The following CCDC7 variants were observed in gnomAD, a reference collection of about 807,000 sequenced individuals.
The protein encoded by CCDC7 is coiled-coil domain containing 7, also known as coiled-coil domain-containing protein 7.
In CCDC7, 183 loss-of-function variants were observed where a neutral mutation model predicts 196.9. The observed-to-expected ratio is 0.93, with a 90% confidence interval of 0.82 to 1.05. CCDC7 has a LOEUF of 1.05. Ranked by LOEUF, CCDC7 falls within the 50% of genes least tolerant of loss-of-function variation. CCDC7 has a pLI of 0.00. For synonymous variants in CCDC7, 525 were observed against 484.6 expected (o/e 1.08, Z -1.10); for missense variants, 1,540 against 1,482.2 (o/e 1.04, Z -0.64).
rs577412787 is a variant in CCDC7, at chr10:32,882,658, A to T, written c.*2358-35A>T. ...GTGTATATTAGAAGTTGAATTAAAT[A>T]AAAAAATTATAATTACTTGTTGATT... On this transcript the variant is annotated intron_variant and NMD_transcript_variant, in intron 22 of 22. Transcript: ENST00000375025. 21 of 152,270 alleles carry T rather than the reference A, an allele frequency of 1.4e-4. No individual in the cohort carries two copies. In the East Asian group the frequency reaches 3.1e-3, roughly 22 times the overall value. The allele number at this position is 152,270 out of a possible 1,614,324, so 9.4% of individuals were successfully genotyped here.
intron 28 of CCDC7, among the ~76,000 whole-genome samples, chr10:32,768,375 T>G (rs185898095): frequency 1.7e-4 from 26 of 152,296 alleles, no homozygotes; most frequent in African/African-American, 6.3e-4. Context: ...ATTGATTTTG[T>G]ATCCTGAAAC....
chr10:32,526,960 A>G (rs977658199), intron 11 of CCDC7, among the ~76,000 whole-genome samples: 2 of 152,076 alleles, frequency 1.3e-5, no homozygotes, highest in African/African-American at 4.8e-5. Flanking sequence ...TTTAAGCCCA[A>G]CCCTAGCCCT....
intron 13 of CCDC7, among the ~76,000 whole-genome samples, chr10:32,555,309 G>A (rs567168064): frequency 9.3e-5 from 14 of 150,894 alleles, no homozygotes; most frequent in South Asian, 6.3e-4. Flanking sequence ...GCAATGGTGC[G>A]ATCTCAGCTC....
intron 9 of CCDC7, among the ~76,000 whole-genome samples, chr10:32,500,432 T>A (rs2043780478): frequency 7.0e-6 from 1 of 143,860 alleles, no homozygotes; most frequent in South Asian, 2.3e-4. Flanking sequence ...GCAGAGGCGC[T>A]CTTCACATCT....
intron 21 of CCDC7, among the ~76,000 whole-genome samples, chr10:32,673,463 G>A (rs765180289): frequency 2.4e-4 from 36 of 151,992 alleles, no homozygotes; most frequent in Non-Finnish European, 4.0e-4. Context: ...CGTTTTCAGT[G>A]TACAAGCCTT....
chr10:32,651,111 C>T (rs2068683817), intron 20 of CCDC7, among the ~76,000 whole-genome samples: 1 of 152,190 alleles, frequency 6.6e-6, no homozygotes, highest in Non-Finnish European at 1.5e-5. Flanking sequence ...GCACCTGCTG[C>T]AGCTCTGTCT....
chr10:32,762,096 T>C (rs941151526), intron 28 of CCDC7, among the ~76,000 whole-genome samples: 2 of 151,396 alleles, frequency 1.3e-5, no homozygotes, highest in Admixed American at 6.6e-5. Context: ...TGTCATACAA[T>C]TGGGAAATAA....
At chr10:32,756,469 T>A (rs972210178) in intron 28 of CCDC7, among the ~76,000 whole-genome samples, 2 of 151,768 alleles carry the variant, frequency 1.3e-5, no homozygotes, top group Non-Finnish European at 3.0e-5. Context: ...TCTTAAAGAA[T>A]TTTCAACCCA....
chr10:32,736,307 TTTAGATC>T (rs140076424), intron 28 of CCDC7, among the ~76,000 whole-genome samples: 8,058 of 152,274 alleles, frequency 0.053, 709 homozygotes, highest in African/African-American at 0.18. Context: ...TATTGCTCCA[TTTAGATC>T]TTAGATCTGT....
At chr10:32,611,867 C>A (rs2062184660) in intron 18 of CCDC7, among the ~76,000 whole-genome samples, 1 of 152,056 alleles carries the variant, frequency 6.6e-6, no homozygotes, top group Non-Finnish European at 1.5e-5. Flanking sequence ...GCCTCTAGCT[C>A]TGATCTTTTT....
chr10:32,718,794 T>A (rs1406694240), intron 25 of CCDC7, among the ~76,000 whole-genome samples: 4 of 151,816 alleles, frequency 2.6e-5, no homozygotes, highest in Non-Finnish European at 5.9e-5. Flanking sequence ...GAAAATAAAA[T>A]ACCTAGGAAT....
chr10:32,814,178 G>T lies in CCDC7; in HGVS notation c.3098-192G>T, dbSNP rs541791526. ...TCACCATGTTGGCCAGGATGGTCTC[G>T]ATCTCTTGACCTCATGATCCACCTG... On this transcript the variant is annotated intron_variant, in intron 30 of 41. Coordinates refer to ENST00000639629, the Ensembl canonical transcript of CCDC7. Among the ~76,000 whole-genome samples, 142 of 152,104 alleles carry T rather than the reference G, an allele frequency of 9.3e-4. 1 individual carries two copies. Among genetic ancestry groups the T allele is most frequent in the African/African-American group, 2.7e-3 (111 of 41,504 alleles).
chr10:32,558,907 T>C (rs2054835734), intron 13 of CCDC7, among the ~76,000 whole-genome samples: 1 of 152,172 alleles, frequency 6.6e-6, no homozygotes, highest in Non-Finnish European at 1.5e-5. Context: ...GGAGTTCCCT[T>C]TCCTAGTCAA....
chr10:32,487,514 T>C (rs1424202617), intron 8 of CCDC7, among the ~76,000 whole-genome samples: 1 of 152,240 alleles, frequency 6.6e-6, no homozygotes, highest in Non-Finnish European at 1.5e-5. Flanking sequence ...CCAGCTTTGT[T>C]CCATTGCTGG....
intron 9 of CCDC7, among the ~76,000 whole-genome samples, chr10:32,507,815 G>A (rs183424791): frequency 3.4e-4 from 51 of 152,204 alleles, no homozygotes; most frequent in African/African-American, 1.2e-3. Flanking sequence ...ACAGCATTTC[G>A]CAGCATTCAA....
At chr10:32,500,638 A>G (rs1368454151) in intron 9 of CCDC7, among the ~76,000 whole-genome samples, 3 of 151,994 alleles carry the variant, frequency 2.0e-5, no homozygotes, top group African/African-American at 7.2e-5. Context: ...CACTTCCAAG[A>G]TGGGGTGGCG....
intron 22 of CCDC7, 119 bp downstream of exon 23, chr10:32,686,199 A>G: frequency 1.9e-6 from 1 of 533,148 alleles, no homozygotes; most frequent in Non-Finnish European, 3.3e-6. Flanking sequence ...TAAAGTATGA[A>G]TACCATAAGA....
intron 18 of CCDC7, among the ~76,000 whole-genome samples, chr10:32,595,469 A>G (rs1299946544): frequency 6.6e-6 from 1 of 151,976 alleles, no homozygotes; most frequent in Non-Finnish European, 1.5e-5. Flanking sequence ...TGGTCTATCA[A>G]TTTTGTTGAT....
At chr10:32,851,099 AT>A (rs976026268) in intron 39 of CCDC7, among the ~76,000 whole-genome samples, 1 of 150,694 alleles carries the variant, frequency 6.6e-6, no homozygotes, top group Non-Finnish European at 1.5e-5. Flanking sequence ...TTTGATCTTT[AT>A]TTTTTTTTCT....
Sources: allele counts gnomAD v4.1 joint callset (sites outside exome capture counted in the v4.1 genomes callset), GRCh38; gene constraint gnomAD v4.1.1; transcripts MANE v1.5; gene names NCBI Gene and HGNC (gene_info 2026-07-23, HGNC 2026-07-21).